PODXL: variants seen among roughly 807,000 people sequenced by gnomAD.
PODXL encodes podocalyxin.
Under a neutral mutation model 48.9 loss-of-function variants are expected in PODXL, and 20 were observed. The observed-to-expected ratio is 0.41, with a 90% CI of 0.29 to 0.59. The LOEUF (loss-of-function observed/expected upper bound fraction) is 0.59. Ranked by LOEUF, PODXL falls within the 20% of genes least tolerant of loss-of-function variation. The pLI, the probability that PODXL is intolerant of heterozygous loss-of-function variation, is 0.31. For missense variants in PODXL, 606 were observed against 675.1 expected, an observed-to-expected ratio of 0.90 and a Z score of 1.13; for synonymous variants, 295 against 287.4, an observed-to-expected ratio of 1.03 and a Z score of -0.27.
chr7:131,502,346 G>A lies in PODXL; in HGVS notation c.*1965C>T, dbSNP rs1437941511. The A allele has an allele frequency of 6.6e-6, 1 of 152,214 alleles. No individual in the cohort carries two copies. The highest frequency in any genetic ancestry group is 1.5e-5 in the Non-Finnish European group (1 of 68,056). 9.4% of individuals were successfully genotyped at this position (152,214 alleles called of 1,614,324 possible). A position where few individuals can be genotyped will look rare whatever the true frequency, so the allele number is the denominator to read the frequency against. ...CAAACACTAGAGCATCGGGGCAGAT[G>A]TTTTTGGAACTTGTTAGCCTCGCAT... On this transcript the variant is annotated 3_prime_UTR_variant, in exon 9 of 9. Transcript: ENST00000378555.
In PODXL at chr7:131,541,660, G is replaced by C. The variant is rs10257833; in HGVS notation, c.100+14600C>G. ...TGCACTCCAGCCTGGGCAACAGAGC[G>C]AGACTCCGTCTCAAAAAAAAAAAAA... On this transcript the variant is annotated intron_variant, in intron 1 of 8. Coordinates refer to ENST00000378555, the MANE Select transcript of PODXL (RefSeq NM_001018111.3). Among the ~76,000 whole-genome samples, 934 of 146,020 alleles carry C rather than the reference G, an allele frequency of 6.4e-3. 16 individuals are homozygous for C. The highest frequency in any genetic ancestry group is 0.022 in the African/African-American group (864 of 38,640).
intron 1 of PODXL, among the ~76,000 whole-genome samples, chr7:131,534,437 G>A (rs1367887737): frequency 2.6e-5 from 4 of 152,218 alleles, no homozygotes; most frequent in African/African-American, 4.8e-5. Context: ...CCATCCTGGC[G>A]GGGCAAGGCC....
chr7:131,500,692 A>C lies in PODXL; in HGVS notation c.*3619T>G, dbSNP rs192416831. On this transcript the variant is annotated 3_prime_UTR_variant, in exon 9 of 9. Coordinates refer to ENST00000378555, the MANE Select transcript of PODXL (RefSeq NM_001018111.3). ...CAGAAAGAAAGAATTGTTCACTTACATCTTAAACCTAAATGATTCAGAGAA... is the reference window on the plus strand; with the variant it reads ...CAGAAAGAAAGAATTGTTCACTTACCTCTTAAACCTAAATGATTCAGAGAA... The C allele has an allele frequency of 2.0e-5, 3 of 152,340 alleles. No homozygotes were observed. The highest frequency in any genetic ancestry group is 2.0e-4 in the Admixed American group (3 of 15,302). The allele number at this position is 152,340 out of a possible 1,614,324, so 9.4% of individuals were successfully genotyped here. A position where few individuals can be genotyped will look rare whatever the true frequency, so the allele number is the denominator to read the frequency against.
Position 131,501,114 on chromosome 7 carries a change from AAAC to A in PODXL, c.*3194_*3196del, listed in dbSNP as rs1348023679. 2 of 152,566 alleles carry A rather than the reference AAAC, an allele frequency of 1.3e-5. No homozygotes were observed. The highest frequency in any genetic ancestry group is 4.8e-5 in the African/African-American group (2 of 41,418). 9.5% of individuals were successfully genotyped at this position (152,566 alleles called of 1,614,324 possible). A position where few individuals can be genotyped will look rare whatever the true frequency, so the allele number is the denominator to read the frequency against. On this transcript the variant is annotated 3_prime_UTR_variant, in exon 9 of 9. Transcript: ENST00000378555. ...GTTGCATTTTAAAATTAAAAAAACA[AAAC>A]AAAACACCTGATCTACAAGACAAAT...
At chr7:131,547,968 G>A (rs2116866247) in intron 1 of PODXL, among the ~76,000 whole-genome samples, 1 of 152,368 alleles carries the variant, frequency 6.6e-6, no homozygotes, top group South Asian at 2.1e-4. Flanking sequence ...CTATCCACAG[G>A]CCAGTGGGGG....
rs192044121 is a variant in PODXL at position 131,555,888 on chromosome 7, C to G, written c.100+372G>C. On this transcript the variant is annotated intron_variant, in intron 1 of 8. Coordinates refer to ENST00000378555, the MANE Select transcript of PODXL (RefSeq NM_001018111.3). Reference sequence around the variant, plus strand: ...CACTACAGCCCCTCATTCCCTCCAACACGAAGGAAAGGTGTAATCAGATCC... The same window carrying G: ...CACTACAGCCCCTCATTCCCTCCAAGACGAAGGAAAGGTGTAATCAGATCC... Among the ~76,000 whole-genome samples, 856 of 152,374 alleles carry G rather than the reference C, an allele frequency of 5.6e-3. 7 individuals are homozygous for G. The highest frequency in any genetic ancestry group is 0.019 in the African/African-American group (809 of 41,600).
intron 1 of PODXL, among the ~76,000 whole-genome samples, chr7:131,538,531 C>G (rs188271828): frequency 6.6e-6 from 1 of 152,286 alleles, no homozygotes; most frequent in Non-Finnish European, 1.5e-5. Context: ...CAGGACCCAG[C>G]GCCTCAGCAG....
intron 1 of PODXL, among the ~76,000 whole-genome samples, chr7:131,534,125 A>T (rs1441500050): frequency 6.6e-6 from 1 of 151,952 alleles, no homozygotes; most frequent in Non-Finnish European, 1.5e-5. Context: ...CTCTCGAGCC[A>T]CTCACACCTG....
chr7:131,520,941 G>T (rs1212636987), intron 1 of PODXL, among the ~76,000 whole-genome samples: 2 of 152,228 alleles, frequency 1.3e-5, no homozygotes, highest in East Asian at 1.9e-4. Flanking sequence ...GCTGAGGCGG[G>T]CCGATCACTT....
intron 1 of PODXL, among the ~76,000 whole-genome samples, chr7:131,539,134 G>A (rs974062213): frequency 3.3e-5 from 5 of 152,192 alleles, no homozygotes; most frequent in Non-Finnish European, 7.3e-5. Flanking sequence ...AGGTGGCAGA[G>A]TGGCCACTCG....
chr7:131,537,733 C>T, intron 1 of PODXL, among the ~76,000 whole-genome samples: 1 of 152,196 alleles, frequency 6.6e-6, no homozygotes, highest in East Asian at 1.9e-4. Context: ...GTGTTCCTCT[C>T]CATCCCCGAG....
Position 131,556,585 on chromosome 7 carries a change from G to C in PODXL, c.-226C>G, listed in dbSNP as rs1441818381. On this transcript the variant is annotated 5_prime_UTR_variant, in exon 1 of 9. Coordinates refer to ENST00000378555, the MANE Select transcript of PODXL (RefSeq NM_001018111.3). Reference sequence around the variant, plus strand: ...CCAGTGGCAGAGGAGCGGCGGCGGCGGCGGCTGCGTCCTGGGCGGCGTCTG... The same window carrying C: ...CCAGTGGCAGAGGAGCGGCGGCGGCCGCGGCTGCGTCCTGGGCGGCGTCTG... 2.6e-6 allele frequency: 1 copy of C among 391,380 alleles called. No homozygotes were observed. The highest frequency in any genetic ancestry group is 7.3e-4 in the Middle Eastern group (1 of 1,364). The allele number at this position is 391,380 out of a possible 1,614,324, so 24.2% of individuals were successfully genotyped here.
chr7:131,514,860 C>T (rs1353245977), intron 1 of PODXL, among the ~76,000 whole-genome samples: 1 of 152,132 alleles, frequency 6.6e-6, no homozygotes, highest in Non-Finnish European at 1.5e-5. Flanking sequence ...CCTCCAGCCT[C>T]GGCCTCCCAA....
chr7:131,506,635 C>T lies in PODXL; in HGVS notation c.1193G>A (p.Arg398Gln), dbSNP rs201911803. The T allele has an allele frequency of 7.9e-5, 127 of 1,614,072 alleles. No individual in the cohort carries two copies. Among genetic ancestry groups the T allele is most frequent in the East Asian group, 1.1e-4 (5 of 44,878 alleles). Residue 398 changes from arginine (R) to glutamine (Q), a missense_variant, in exon 6 of 9, where the codon CGG becomes CAG. By Grantham distance (43) the Arg-to-Gln change is conservative. Transcript: ENST00000378555. ...CTGACTTCCTGGAACAGATGCCAGC[C>T]GTATGCCGCACTTATCTTGGGCCGG... ...FNPAQDKCGI[R>Q]LASVPGSQTV...
intron 1 of PODXL, among the ~76,000 whole-genome samples, chr7:131,530,802 A>G (rs867775980): frequency 4.6e-4 from 69 of 149,896 alleles, no homozygotes; most frequent in Admixed American, 1.1e-3. Context: ...GCTCCCACCT[A>G]TAATCCCAGC....
At chr7:131,556,182 G>A (rs1798739620) in intron 1 of PODXL, 78 bp downstream of exon 1, 7 of 1,357,154 alleles carry the variant, frequency 5.2e-6, no homozygotes, top group African/African-American at 4.6e-5. Context: ...CGGCGCGCCG[G>A]GCTTCCCTGC....
chr7:131,542,720 C>T (rs968502095), intron 1 of PODXL, among the ~76,000 whole-genome samples: 14 of 152,038 alleles, frequency 9.2e-5, no homozygotes, highest in African/African-American at 2.2e-4. Flanking sequence ...AGCCTCAAGA[C>T]GTGACTCTAG....
At chr7:131,513,560 G>C (rs190478040) in intron 1 of PODXL, among the ~76,000 whole-genome samples, 1 of 152,316 alleles carries the variant, frequency 6.6e-6, no homozygotes, top group African/African-American at 2.4e-5. Context: ...CCAGCTCTTT[G>C]CCTTGCCAGC....
At chr7:131,519,327 T>C (rs946771710) in intron 1 of PODXL, among the ~76,000 whole-genome samples, 1 of 152,118 alleles carries the variant, frequency 6.6e-6, no homozygotes. Flanking sequence ...CCTTTAGGTA[T>C]GGGTGGGGGT....
Sources: allele counts gnomAD v4.1 joint callset (sites outside exome capture counted in the v4.1 genomes callset), GRCh38; gene constraint gnomAD v4.1.1; transcripts MANE v1.5; gene names NCBI Gene and HGNC (gene_info 2026-07-23, HGNC 2026-07-21).